The following ZNF382 variants were observed in gnomAD, a reference collection of about 807,000 sequenced individuals.
ZNF382 encodes zinc finger protein 382.
In ZNF382, 20 loss-of-function variants were observed where a neutral mutation model predicts 38.8. That is an observed-to-expected ratio of 0.51 (90% CI 0.36 to 0.75). ZNF382 has a LOEUF of 0.75. Among genes scored for constraint, ZNF382 ranks in the 30% least tolerant of loss-of-function variants. The probability of loss-of-function intolerance (pLI) is 0.00; values close to 1 mark genes in which losing one functional copy is unlikely to be tolerated. For missense variants in ZNF382, 546 were observed against 654.1 expected, an observed-to-expected ratio of 0.83 and a Z score of 1.80; for synonymous variants, 202 against 223.1, an observed-to-expected ratio of 0.91 and a Z score of 0.84.
rs982471740 is a variant in ZNF382, at chr19:36,632,569, A to T, written c.*5019A>T. ...GCTATCTAACTGGTTATGTAAGTTT[A>T]AAAAAGTTAAAAAGCCATCATAAAC... On this transcript the variant is annotated 3_prime_UTR_variant, in exon 5 of 5. Transcript: ENST00000292928. 3.9e-5 allele frequency: 6 copies of T among 152,240 alleles called. No individual in the cohort carries two copies. The highest frequency in any genetic ancestry group is 7.3e-5 in the Non-Finnish European group (5 of 68,052). The allele number at this position is 152,240 out of a possible 1,614,324, so 9.4% of individuals were successfully genotyped here.
At chr19:36,621,261 G>A (rs1051236924) in intron 4 of ZNF382, among the ~76,000 whole-genome samples, 4 of 149,136 alleles carry the variant, frequency 2.7e-5, no homozygotes, top group African/African-American at 4.9e-5. Context: ...CAAAATGAGA[G>A]CCATATCATT....
At chr19:36,625,359 A>G (rs1489595439) in intron 4 of ZNF382, among the ~76,000 whole-genome samples, 3 of 151,694 alleles carry the variant, frequency 2.0e-5, no homozygotes, top group African/African-American at 7.3e-5. Flanking sequence ...AGTGAAGAAG[A>G]AAGAATTGGA....
chr19:36,623,249 C>G (rs904894839), intron 4 of ZNF382, among the ~76,000 whole-genome samples: 1 of 152,042 alleles, frequency 6.6e-6, no homozygotes, highest in Non-Finnish European at 1.5e-5. Context: ...CATTTTATCC[C>G]CTAACTTCAG....
At chr19:36,619,693 T>A (rs2145326928) in intron 4 of ZNF382, among the ~76,000 whole-genome samples, 1 of 152,188 alleles carries the variant, frequency 6.6e-6, no homozygotes, top group Middle Eastern at 3.4e-3. Flanking sequence ...TGTTTGAGGC[T>A]GGGTTACTTG....
In ZNF382 at chr19:36,629,224, G is replaced by A. The variant is rs1054794484; in HGVS notation, c.*1674G>A. On this transcript the variant is annotated 3_prime_UTR_variant, in exon 5 of 5. Transcript: ENST00000292928. ...GATCTGCCTGCCTCGGCCTCCCAAA[G>A]TGCTAGGATTACAGGGACTTTTAAC... 1 of 152,292 alleles carries A rather than the reference G, an allele frequency of 6.6e-6. No individual in the cohort carries two copies. Among genetic ancestry groups the A allele is most frequent in the Non-Finnish European group, 1.5e-5 (1 of 68,176 alleles). 9.4% of individuals were successfully genotyped at this position (152,292 alleles called of 1,614,324 possible).
In ZNF382 at chr19:36,627,519, C is replaced by T. The variant is rs2037224988; in HGVS notation, c.1622C>T (p.Thr541Ile). ...CKSNLIVHQK[T>I]HKVETTGIQ ...TCAAACCTCATTGTCCATCAGAAAACTCACAAGGTAGAAACCACGGGAATT... is the reference window on the plus strand; with the variant it reads ...TCAAACCTCATTGTCCATCAGAAAATTCACAAGGTAGAAACCACGGGAATT... Residue 541 changes from threonine to isoleucine, a missense_variant, in exon 5 of 5, where the codon ACT (threonine) becomes ATT (isoleucine). By Grantham distance (89) the Thr-to-Ile change is moderately conservative (BLOSUM62 -1). Coordinates refer to ENST00000292928, the MANE Select transcript of ZNF382 (RefSeq NM_032825.5). 2 of 1,612,458 alleles carry T rather than the reference C, an allele frequency of 1.2e-6. No individual in the cohort carries two copies. Among genetic ancestry groups the T allele is most frequent in the Admixed American group, 1.7e-5 (1 of 59,964 alleles).
In ZNF382 at chr19:36,628,394, C is replaced by A. The variant is rs1246033699; in HGVS notation, c.*844C>A. On this transcript the variant is annotated 3_prime_UTR_variant, in exon 5 of 5. Coordinates refer to ENST00000292928, the MANE Select transcript of ZNF382 (RefSeq NM_032825.5). ...GGCAGACAATTCAGAACTTTCACCA[C>A]ATGAGATAATTGACACTGAAGGGAA... 1 of 152,706 alleles carries A rather than the reference C, an allele frequency of 6.5e-6. No individual in the cohort carries two copies. Among genetic ancestry groups the A allele is most frequent in the Non-Finnish European group, 1.5e-5 (1 of 68,066 alleles). The allele number at this position is 152,706 out of a possible 1,614,324, so 9.5% of individuals were successfully genotyped here.
chr19:36,614,986 CTTTT>C (rs777536991), intron 4 of ZNF382, among the ~76,000 whole-genome samples: 6 of 83,460 alleles, frequency 7.2e-5, no homozygotes, highest in Non-Finnish European at 1.2e-4. Context: ...TTCCTTCTTT[CTTTT>C]TTTTTTTTTT....
At chr19:36,609,843 A>T in intron 2 of ZNF382, 59 bp from the exon 3 acceptor site, 6 of 1,464,132 alleles carry the variant, frequency 4.1e-6, no homozygotes, top group Non-Finnish European at 5.5e-6. Flanking sequence ...TCTGACCAGT[A>T]AACATTGTCA....
At chr19:36,615,551 T>G (rs1177950756) in intron 4 of ZNF382, among the ~76,000 whole-genome samples, 1 of 152,228 alleles carries the variant, frequency 6.6e-6, no homozygotes, top group Admixed American at 6.5e-5. Flanking sequence ...TAGTATTTAT[T>G]ATGTTTGGAT....
chr19:36,605,907 C>A (rs1043674788), intron 1 of ZNF382, among the ~76,000 whole-genome samples: 2 of 152,136 alleles, frequency 1.3e-5, no homozygotes, highest in African/African-American at 4.8e-5. Flanking sequence ...TTGTGACTGC[C>A]TGGAGTCGTG....
At chr19:36,612,757 C>T (rs971730556) in intron 4 of ZNF382, among the ~76,000 whole-genome samples, 2 of 152,062 alleles carry the variant, frequency 1.3e-5, no homozygotes, top group Admixed American at 6.6e-5. Context: ...TCAGAGGCAT[C>T]TGTTCAAGTG....
chr19:36,621,760 A>G (rs558526545), intron 4 of ZNF382, among the ~76,000 whole-genome samples: 1 of 152,314 alleles, frequency 6.6e-6, no homozygotes, highest in East Asian at 1.9e-4. Flanking sequence ...ATTTTATATG[A>G]GGGACTTGAG....
intron 4 of ZNF382, among the ~76,000 whole-genome samples, chr19:36,625,700 C>T (rs1332368051): frequency 3.9e-5 from 6 of 152,086 alleles, no homozygotes; most frequent in Non-Finnish European, 8.8e-5. Flanking sequence ...GCTGGGATTA[C>T]AGGCATGTAC....
Position 36,626,999 on chromosome 19 carries a change from A to G in ZNF382, c.1102A>G (p.Thr368Ala), listed in dbSNP as rs1032659383. 6.2e-7 allele frequency: 1 copy of G among 1,614,138 alleles called. No individual in the cohort carries two copies. Among genetic ancestry groups the G allele is most frequent in the African/African-American group, 1.3e-5 (1 of 75,030 alleles). The change falls in exon 5 of 5, where the codon ACT becomes GCT. Residue 368 changes from threonine (T) to alanine (A), a missense_variant. Thr to Ala is a moderately conservative substitution (Grantham distance 58, BLOSUM62 0). Coordinates refer to ENST00000292928, the MANE Select transcript of ZNF382 (RefSeq NM_032825.5). ...GTCCTTCCGCCAGAAGGCCACCCTC[A>G]CTAGACATCACAAAACACATACGGG... ...GKSFRQKATL[T>A]RHHKTHTGEK... is the part of the protein sequence containing the mutation.
rs1210473248 is a variant in ZNF382 at position 36,631,536 on chromosome 19, C to A, written c.*3986C>A. ...ATGAGTAGCTGGGACTACAGGTGCA[C>A]ACCACCAAACCCGGCTAATTTTTGT... On this transcript the variant is annotated 3_prime_UTR_variant, in exon 5 of 5. Coordinates refer to ENST00000292928, the MANE Select transcript of ZNF382 (RefSeq NM_032825.5). The A allele has an allele frequency of 6.6e-6, 1 of 152,000 alleles. No homozygotes were observed. Among genetic ancestry groups the A allele is most frequent in the Non-Finnish European group, 1.5e-5 (1 of 68,110 alleles). The allele number at this position is 152,000 out of a possible 1,614,324, so 9.4% of individuals were successfully genotyped here.
chr19:36,621,343 T>C (rs886579462), intron 4 of ZNF382, among the ~76,000 whole-genome samples: 3 of 150,670 alleles, frequency 2.0e-5, no homozygotes, highest in African/African-American at 7.3e-5. Flanking sequence ...TTTTTTTTTT[T>C]TTTCCAGTTT....
At chr19:36,617,391 A>G (rs1222185736) in intron 4 of ZNF382, among the ~76,000 whole-genome samples, 4 of 152,124 alleles carry the variant, frequency 2.6e-5, no homozygotes, top group African/African-American at 9.7e-5. Context: ...TACCAGCTTC[A>G]ATGGGAGTTT....
In ZNF382 at chr19:36,625,089, AATATATATATATATATAT is replaced by A. The variant is rs371760229; in HGVS notation, c.233-1019_233-1002del. On this transcript the variant is annotated intron_variant, in intron 4 of 4. Transcript: ENST00000292928. ...TCTCAAAAAAATAAAAATGAATTTA[AATATATATATATATATAT>A]ATATATATATATATATATATAATGT... Among the ~76,000 whole-genome samples the A allele has an allele frequency of 3.3e-3, 142 of 42,994 alleles. 4 individuals carry two copies. Among genetic ancestry groups the A allele is most frequent in the East Asian group, 6.3e-3 (6 of 952 alleles). 28.2% of individuals were successfully genotyped at this position (42,994 alleles called of 152,430 possible). A position where few individuals can be genotyped will look rare whatever the true frequency, so the allele number is the denominator to read the frequency against.
Sources: gnomAD v4.1 joint callset for allele counts (sites outside exome capture counted in the v4.1 genomes callset) on GRCh38, gnomAD v4.1.1 for gene constraint, MANE v1.5 for transcripts, NCBI Gene and HGNC (gene_info 2026-07-23, HGNC 2026-07-21) for gene names.